CDH12: variants seen among roughly 807,000 people sequenced by gnomAD.
CDH12 encodes cadherin 12, also known as cadherin-12.
CDH12 carries 41 observed loss-of-function variants against 74.1 expected under a neutral mutation model. That is an observed-to-expected ratio of 0.55 (90% CI 0.43 to 0.72). The LOEUF (loss-of-function observed/expected upper bound fraction) is 0.72, where lower values mean the gene tolerates loss of function less well. Among genes scored for constraint, CDH12 ranks in the 30% least tolerant of loss-of-function variants. CDH12 has a pLI of 0.00. For missense variants in CDH12, 945 were observed against 977.2 expected (o/e 0.97, Z 0.44); for synonymous variants, 399 against 355.0 (o/e 1.12, Z -1.39).
At chr5:22,362,394 C>T (rs1166196126) in intron 3 of CDH12, among the ~76,000 whole-genome samples, 2 of 152,118 alleles carry the variant, frequency 1.3e-5, no homozygotes, top group African/African-American at 4.8e-5. Flanking sequence ...CCATCTCACA[C>T]CAGTTAGAAT....
intron 1 of CDH12, among the ~76,000 whole-genome samples, chr5:22,728,766 A>G (rs763702257): frequency 6.6e-6 from 1 of 151,836 alleles, no homozygotes; most frequent in Non-Finnish European, 1.5e-5. Context: ...GAGAGCAGAG[A>G]GAGAGAGGAA....
intron 4 of CDH12, among the ~76,000 whole-genome samples, chr5:22,177,425 A>G (rs1004269121): frequency 2.0e-5 from 3 of 152,036 alleles, no homozygotes; most frequent in Admixed American, 6.6e-5. Context: ...CAGGGGAAGG[A>G]ATAATGAATC....
chr5:22,502,861 C>G (rs1215779908), intron 2 of CDH12, among the ~76,000 whole-genome samples: 5 of 152,162 alleles, frequency 3.3e-5, no homozygotes, highest in African/African-American at 1.2e-4. Flanking sequence ...ATTTGACACA[C>G]ATTTCATTCT....
chr5:21,974,874 G>A (rs780191072), intron 6 of CDH12, among the ~76,000 whole-genome samples: 1 of 152,038 alleles, frequency 6.6e-6, no homozygotes, highest in East Asian at 1.9e-4. Flanking sequence ...TTCACAGGGT[G>A]GAAAACAGGA....
intron 1 of CDH12, among the ~76,000 whole-genome samples, chr5:22,557,039 A>C (rs1222716557): frequency 6.6e-6 from 1 of 152,026 alleles, no homozygotes; most frequent in Non-Finnish European, 1.5e-5. Flanking sequence ...CTTGGCTTAA[A>C]AACTCTCCCA....
chr5:22,282,630 A>G (rs186051049), intron 3 of CDH12, among the ~76,000 whole-genome samples: 8 of 152,314 alleles, frequency 5.3e-5, no homozygotes, highest in African/African-American at 1.9e-4. Flanking sequence ...GCCAACAAAC[A>G]TATGAAAAAA....
chr5:22,353,995 A>C (rs1392320006), intron 3 of CDH12, among the ~76,000 whole-genome samples: 1 of 152,176 alleles, frequency 6.6e-6, no homozygotes, highest in Non-Finnish European at 1.5e-5. Context: ...AACCACCTAT[A>C]CAAAGGAGAG....
At chr5:22,452,880 C>CAAAAAAAAAAAAAAAAAAAAA (rs768945480) in intron 2 of CDH12, among the ~76,000 whole-genome samples, 9 of 32,196 alleles carry the variant, frequency 2.8e-4, no homozygotes, top group Non-Finnish European at 3.6e-4. Context: ...AACCTAAGAG[C>CAAAAAAAAAAAAAAAAAAAAA]AAAAAAAAAA....
chr5:22,023,360 A>G (rs1738114886), intron 5 of CDH12, among the ~76,000 whole-genome samples: 1 of 152,144 alleles, frequency 6.6e-6, no homozygotes, highest in Non-Finnish European at 1.5e-5. Flanking sequence ...GATTTGTCCA[A>G]TGATATGCAC....
intron 5 of CDH12, among the ~76,000 whole-genome samples, chr5:22,034,034 G>A (rs1222358404): frequency 1.3e-5 from 2 of 152,026 alleles, no homozygotes; most frequent in African/African-American, 4.8e-5. Context: ...CTGGGGGAGG[G>A]TTTGTTTTTG....
chr5:22,174,477 T>A (rs1025988630), intron 4 of CDH12, among the ~76,000 whole-genome samples: 4 of 151,984 alleles, frequency 2.6e-5, no homozygotes, highest in African/African-American at 9.7e-5. Flanking sequence ...TTCAAAACTG[T>A]AATTAAGTTT....
At chr5:22,085,049 T>G (rs1742974866) in intron 4 of CDH12, among the ~76,000 whole-genome samples, 1 of 152,176 alleles carries the variant, frequency 6.6e-6, no homozygotes, top group Admixed American at 6.6e-5. Flanking sequence ...TGATTTCAGG[T>G]ACAGTGATAA....
intron 2 of CDH12, among the ~76,000 whole-genome samples, chr5:22,478,851 A>C (rs1746277835): frequency 1.3e-5 from 2 of 152,188 alleles, no homozygotes; most frequent in African/African-American, 4.8e-5. Flanking sequence ...TGATGCTATC[A>C]TTTAGATAAT....
rs368839317 is a variant in CDH12, at chr5:22,503,515, CT to C, written c.-428+1754del. ...CTGAGATTATTCTCAGCTGTATTTG[CT>C]TATGTGGCATTTATGAAAATCCTCA... is the stretch of plus-strand genomic sequence containing the variant. On this transcript the variant is annotated intron_variant, in intron 2 of 14. Coordinates refer to ENST00000382254, the MANE Select transcript of CDH12 (RefSeq NM_004061.5). Among the ~76,000 whole-genome samples, 44 of 152,004 alleles carry C rather than the reference CT, an allele frequency of 2.9e-4. No homozygotes were observed. In the East Asian group the frequency reaches 3.1e-3, roughly 11 times the overall value.
chr5:22,279,370 G>GT (rs1156971686), intron 3 of CDH12, among the ~76,000 whole-genome samples: 1 of 152,090 alleles, frequency 6.6e-6, no homozygotes, highest in Non-Finnish European at 1.5e-5. Flanking sequence ...GAAAATTACT[G>GT]TTTTTTATAT....
chr5:22,363,093 T>G (rs1245733026), intron 3 of CDH12, among the ~76,000 whole-genome samples: 1 of 151,922 alleles, frequency 6.6e-6, no homozygotes, highest in African/African-American at 2.4e-5. Flanking sequence ...AAAACAAATT[T>G]ATTATACTAC....
chr5:21,777,566 A>C (rs944718035), intron 11 of CDH12, among the ~76,000 whole-genome samples: 1 of 150,926 alleles, frequency 6.6e-6, no homozygotes, highest in African/African-American at 2.4e-5. Flanking sequence ...TCTGTCACCC[A>C]GGCTGGAGTG....
rs192258003 is a variant in CDH12, at chr5:22,840,989, G to T, written c.-523+12069C>A. Reference sequence around the variant, plus strand: ...ACAAGGGGAAGGATGCAGGGAAAACGGATCAGAAATAAAATGAGGCGGCAC... The same window carrying T: ...ACAAGGGGAAGGATGCAGGGAAAACTGATCAGAAATAAAATGAGGCGGCAC... On this transcript the variant is annotated intron_variant, in intron 1 of 14. Coordinates refer to ENST00000382254, the MANE Select transcript of CDH12 (RefSeq NM_004061.5). Among the ~76,000 whole-genome samples, 5 of 152,098 alleles carry T rather than the reference G, an allele frequency of 3.3e-5. No individual in the cohort carries two copies. The East Asian group carries it at 9.7e-4, about 30-fold the overall frequency.
chr5:22,322,366 T>TA (rs71609760), intron 3 of CDH12, among the ~76,000 whole-genome samples: 17,969 of 148,550 alleles, frequency 0.12, 1,104 homozygotes, highest in South Asian at 0.19. Flanking sequence ...CAGCTTTATT[T>TA]AAAAAAAAAA....
Sources: allele counts gnomAD v4.1 joint callset (sites outside exome capture counted in the v4.1 genomes callset), GRCh38; gene constraint gnomAD v4.1.1; transcripts MANE v1.5; gene names NCBI Gene and HGNC (gene_info 2026-07-23, HGNC 2026-07-21).